The following ATP10A variants were observed in gnomAD, a reference collection of about 807,000 sequenced individuals.
ATP10A encodes ATPase phospholipid transporting 10A (putative).
Under a neutral mutation model 147.8 loss-of-function variants are expected in ATP10A, and 111 were observed. The ratio of observed to expected loss-of-function variants is 0.75; its 90% confidence interval spans 0.64 to 0.88. The LOEUF (loss-of-function observed/expected upper bound fraction) is 0.88. ATP10A is among the 40% of genes least tolerant of loss of function. The probability of loss-of-function intolerance (pLI) is 0.00; values close to 1 mark genes in which losing one functional copy is unlikely to be tolerated. For missense variants in ATP10A, 1,927 were observed against 1,959.0 expected (o/e 0.98, Z 0.31); for synonymous variants, 875 against 841.6 (o/e 1.04, Z -0.69).
chr15:25,714,224 C>T lies in ATP10A; in HGVS notation c.1794G>A (p.Glu598=), dbSNP rs1359865565. ...CTATCGTCTTCACCGGGGACTTCAG[C>T]TCAAACCTCACCCTCACCTGCAAGA... is the stretch of plus-strand genomic sequence containing the variant. ...QPRTKVRVRF[E]LKSPVKTIED... is the part of the protein sequence containing the mutation. Residue 598 remains glutamate (E), a synonymous_variant, in exon 10 of 21, where the codon GAG becomes GAA. Transcript: ENST00000555815. 6.9e-6 allele frequency: 11 copies of T among 1,599,742 alleles called. No homozygotes were observed. The highest frequency in any genetic ancestry group is 7.6e-6 in the Non-Finnish European group (9 of 1,179,970).
At chr15:25,759,058 G>C (rs554503838) in intron 2 of ATP10A, among the ~76,000 whole-genome samples, 1 of 152,224 alleles carries the variant, frequency 6.6e-6, no homozygotes, top group African/African-American at 2.4e-5. Context: ...CACAGCACCA[G>C]GGGCCACGTG....
At chr15:25,749,598 C>T (rs1888041762) in intron 2 of ATP10A, among the ~76,000 whole-genome samples, 1 of 152,120 alleles carries the variant, frequency 6.6e-6, no homozygotes, top group Admixed American at 6.5e-5. Context: ...TATCTGGCAT[C>T]CTATTAAAGA....
chr15:25,784,326 A>G (rs2140719772), intron 1 of ATP10A, among the ~76,000 whole-genome samples: 1 of 152,252 alleles, frequency 6.6e-6, no homozygotes, highest in Middle Eastern at 3.4e-3. Flanking sequence ...AGGAGGAGAG[A>G]CACCGCAAGG....
chr15:25,702,326 G>A (rs946389269), intron 12 of ATP10A, among the ~76,000 whole-genome samples: 14 of 152,334 alleles, frequency 9.2e-5, no homozygotes, highest in Admixed American at 8.5e-4. Context: ...CAGCTCTGTC[G>A]ATGTGACTCA....
At chr15:25,672,775 AT>A (rs1328782440), downstream of ATP10A, among the ~76,000 whole-genome samples, 3 of 152,018 alleles carry the variant, frequency 2.0e-5, no homozygotes, top group Non-Finnish European at 4.4e-5. Context: ...TTGTTATGAG[AT>A]TTTATATGAA....
At chr15:25,735,911 G>T in intron 3 of ATP10A, 145 bp downstream of exon 3, 2 of 729,558 alleles carry the variant, frequency 2.7e-6, no homozygotes, top group South Asian at 3.3e-5. Context: ...AGCCAAGAAG[G>T]CTCAGGTGCT....
rs1188559012 is a variant in ATP10A, at chr15:25,808,404, AT to A, written c.450-27182del. On this transcript the variant is annotated intron_variant, in intron 1 of 20. Transcript: ENST00000555815. Reference sequence around the variant, plus strand: ...GAACAGTTTTGTTTTGTTTTTTGAGATAAGAGTTTTGCTCTTGTTTCCCAGA... The same window carrying A: ...GAACAGTTTTGTTTTGTTTTTTGAGAAAGAGTTTTGCTCTTGTTTCCCAGA... Among the ~76,000 whole-genome samples the A allele has an allele frequency of 1.3e-4, 14 of 104,330 alleles. No homozygotes were observed. In the Admixed American group the frequency reaches 1.4e-3, roughly 10 times the overall value. 68.4% of individuals were successfully genotyped at this position (104,330 alleles called of 152,430 possible).
At chr15:25,794,035 A>G (rs1890551039) in intron 1 of ATP10A, among the ~76,000 whole-genome samples, 1 of 152,170 alleles carries the variant, frequency 6.6e-6, no homozygotes, top group South Asian at 2.1e-4. Flanking sequence ...CCAGGACACC[A>G]TTTCCCCAGA....
chr15:25,809,502 A>G (rs1891337605), intron 1 of ATP10A, among the ~76,000 whole-genome samples: 1 of 152,220 alleles, frequency 6.6e-6, no homozygotes, highest in Non-Finnish European at 1.5e-5. Flanking sequence ...TGAGCTTTTA[A>G]GAATAAACAG....
At chr15:25,702,944 T>C (rs528307069) in intron 12 of ATP10A, among the ~76,000 whole-genome samples, 202 of 152,054 alleles carry the variant, frequency 1.3e-3, no homozygotes, top group African/African-American at 4.7e-3. Context: ...CCCAGATCCA[T>C]AGGAGGGAGC....
chr15:25,779,038 A>G (rs923619794), intron 2 of ATP10A, among the ~76,000 whole-genome samples: 3 of 152,012 alleles, frequency 2.0e-5, no homozygotes, highest in African/African-American at 7.3e-5. Flanking sequence ...CACCACGCCC[A>G]GCTAATTTTT....
chr15:25,817,500 A>C (rs1891712625), intron 1 of ATP10A, among the ~76,000 whole-genome samples: 1 of 152,278 alleles, frequency 6.6e-6, no homozygotes, highest in Non-Finnish European at 1.5e-5. Context: ...AAATGCAAAT[A>C]TTAGCAATAT....
chr15:25,679,465 G>C lies in ATP10A; in HGVS notation c.4376C>G (p.Thr1459Arg), dbSNP rs537766555. Reference protein sequence around the residue: ...RLGSVLQFSRTEQLADGQAGR... With the variant: ...RLGSVLQFSRREQLADGQAGR... ...CGCTTGTCCATCTGCAAGCTGCTCC[G>C]TCCGGGAGAACTGTAAGACACTCCC... The change falls in exon 21 of 21, where the codon ACG becomes AGG. Residue 1459 changes from threonine (T) to arginine (R), a missense_variant. Transcript: ENST00000555815. 1.9e-6 allele frequency: 3 copies of C among 1,613,904 alleles called. No homozygotes were observed. Among genetic ancestry groups the C allele is most frequent in the African/African-American group, 2.7e-5 (2 of 74,918 alleles).
At chr15:25,687,335 G>A (rs1899746011) in intron 16 of ATP10A, among the ~76,000 whole-genome samples, 1 of 152,130 alleles carries the variant, frequency 6.6e-6, no homozygotes, top group African/African-American at 2.4e-5. Flanking sequence ...GAGCCTGGGA[G>A]CAGGACTGGG....
Position 25,683,211 on chromosome 15 carries a change from G to A in ATP10A, c.3492+75C>T, listed in dbSNP as rs59122345. The A allele has an allele frequency of 1.8e-3, 2,537 of 1,397,458 alleles. 40 individuals are homozygous for A. The African/African-American group carries it at 0.03, about 17-fold the overall frequency. 86.6% of individuals were successfully genotyped at this position (1,397,458 alleles called of 1,614,324 possible). A position where few individuals can be genotyped will look rare whatever the true frequency, so the allele number is the denominator to read the frequency against. The stretch of plus-strand genomic sequence containing the variant: ...GTGTCCATCTGAAGGGAGGCTGGGG[G>A]ACTGGCACTTTGGAAGAGTGAACGT... On this transcript the variant is annotated intron_variant, in intron 17 of 20. Coordinates refer to ENST00000555815, the MANE Select transcript of ATP10A (RefSeq NM_024490.4).
intron 1 of ATP10A, among the ~76,000 whole-genome samples, chr15:25,785,606 G>C (rs1205346982): frequency 1.3e-5 from 2 of 152,184 alleles, no homozygotes; most frequent in African/African-American, 2.4e-5. Context: ...GGCAGGAGAG[G>C]CATCTCACCC....
intron 7 of ATP10A, among the ~76,000 whole-genome samples, chr15:25,721,168 G>A (rs1902195817): frequency 6.6e-6 from 1 of 152,174 alleles, no homozygotes; most frequent in Non-Finnish European, 1.5e-5. Flanking sequence ...GTGGGAGTGG[G>A]GACCGCTTCA....
At chr15:25,807,028 C>T (rs529773257) in intron 1 of ATP10A, among the ~76,000 whole-genome samples, 8 of 152,328 alleles carry the variant, frequency 5.3e-5, no homozygotes, top group East Asian at 3.9e-4. Flanking sequence ...GGGCATCCAC[C>T]GGGCTGGAAA....
chr15:25,729,550 G>A (rs1481612916), intron 3 of ATP10A, among the ~76,000 whole-genome samples: 1 of 152,148 alleles, frequency 6.6e-6, no homozygotes, highest in East Asian at 1.9e-4. Flanking sequence ...TCGAGTGTGC[G>A]CCTGTGAGTG....
Sources: gnomAD v4.1 joint callset for allele counts (sites outside exome capture counted in the v4.1 genomes callset) on GRCh38, gnomAD v4.1.1 for gene constraint, MANE v1.5 for transcripts, NCBI Gene and HGNC (gene_info 2026-07-23, HGNC 2026-07-21) for gene names.